The following UBAP2L variants were observed in gnomAD, a reference collection of about 807,000 sequenced individuals.
UBAP2L encodes ubiquitin associated protein 2 like, also known as ubiquitin-associated protein 2-like.
UBAP2L carries 12 observed loss-of-function variants against 130.6 expected under a neutral mutation model. That is an observed-to-expected ratio of 0.09 (90% confidence interval 0.06 to 0.15). The LOEUF is 0.15. UBAP2L is among the 10% of genes least tolerant of loss of function. UBAP2L has a pLI of 1.00. For synonymous variants in UBAP2L, 503 were observed against 524.7 expected (o/e 0.96, Z 0.57); for missense variants, 965 against 1,332.5 (o/e 0.72, Z 4.29).
intron 7 of UBAP2L, 120 bp from the exon 8 acceptor site, chr1:154,236,904 A>T: frequency 1.3e-6 from 1 of 774,202 alleles, no homozygotes; most frequent in Non-Finnish European, 2.1e-6. Flanking sequence ...ACACAGGATT[A>T]TAGAATGGGG....
At chr1:154,258,428 C>T (rs1412748695) in intron 20 of UBAP2L, among the ~76,000 whole-genome samples, 5 of 152,148 alleles carry the variant, frequency 3.3e-5, no homozygotes, top group Non-Finnish European at 4.4e-5. Flanking sequence ...TCTTCTGTGA[C>T]CTTCAAGTAT....
In UBAP2L at chr1:154,255,251, A is replaced by G. The variant is rs777192077; in HGVS notation, c.2009A>G (p.Asn670Ser). 4.3e-6 allele frequency: 7 copies of G among 1,614,084 alleles called. No homozygotes were observed. Among genetic ancestry groups the G allele is most frequent in the East Asian group, 2.2e-5 (1 of 44,896 alleles). The change falls in exon 17 of 27, where the codon AAT becomes AGT. Residue 670 changes from asparagine to serine, a missense_variant. By Grantham distance (46) the Asn-to-Ser change is conservative. Around this residue, in one of 9 missense-constraint regions of UBAP2L, gnomAD observed 393 missense variants for 408.1 expected, o/e 0.96. Transcript: ENST00000428931. Reference sequence around the variant, plus strand: ...GCAGCTTCCTTACTGACGACAACCAATCAGCATTCATCCTCCTTGGGTGGC... The same window carrying G: ...GCAGCTTCCTTACTGACGACAACCAGTCAGCATTCATCCTCCTTGGGTGGC... ...VSAASLLTTT[N>S]QHSSSLGGLS...
At chr1:154,265,700 G>T (rs549220119) in intron 24 of UBAP2L, among the ~76,000 whole-genome samples, 1 of 152,150 alleles carries the variant, frequency 6.6e-6, no homozygotes. Context: ...GTAGTGGTTA[G>T]TAGGGAGTTT....
At chr1:154,271,173 T>C (rs1209628417), downstream of UBAP2L, 3 of 465,532 alleles carry the variant, frequency 6.4e-6, no homozygotes, top group Non-Finnish European at 1.1e-5. Context: ...ATAGAGGAGA[T>C]TGGGTGGAAA....
chr1:154,222,303 A>G (rs921860286), intron 1 of UBAP2L, among the ~76,000 whole-genome samples: 1 of 152,188 alleles, frequency 6.6e-6, no homozygotes, highest in African/African-American at 2.4e-5. Flanking sequence ...AGTTGATAAA[A>G]CTGCTTTGAG....
intron 24 of UBAP2L, among the ~76,000 whole-genome samples, chr1:154,266,294 A>G (rs1002465830): frequency 2.0e-4 from 31 of 152,188 alleles, no homozygotes; most frequent in Admixed American, 2.0e-3. Flanking sequence ...ACGTATACTC[A>G]ACACGTACCT....
chr1:154,228,778 T>A, intron 4 of UBAP2L, 53 bp downstream of exon 4: 1 of 1,396,640 alleles, frequency 7.2e-7, no homozygotes, highest in Non-Finnish European at 9.9e-7. Flanking sequence ...GGGAGGCTAG[T>A]AATGTTCTAA....
At chr1:154,224,876 C>T (rs1319782007) in intron 1 of UBAP2L, among the ~76,000 whole-genome samples, 1 of 152,160 alleles carries the variant, frequency 6.6e-6, no homozygotes, top group African/African-American at 2.4e-5. Context: ...CTTACACATG[C>T]TTTATACATT....
downstream of UBAP2L, chr1:154,270,942 T>G (rs1425853952): frequency 5.2e-6 from 8 of 1,550,180 alleles, no homozygotes; most frequent in Admixed American, 2.0e-5. Context: ...CAACTGGGCC[T>G]CCTCTAGCAG....
chr1:154,236,107 C>T (rs1374357076), intron 6 of UBAP2L, among the ~76,000 whole-genome samples: 3 of 152,110 alleles, frequency 2.0e-5, no homozygotes, highest in Non-Finnish European at 4.4e-5. Context: ...TAATGATTGT[C>T]CTACTCTATT....
chr1:154,270,632 C>G lies in UBAP2L; in HGVS notation c.*337C>G. On this transcript the variant is annotated 3_prime_UTR_variant, in exon 27 of 27. Coordinates refer to ENST00000428931, the MANE Select transcript of UBAP2L (RefSeq NM_014847.4). ...TACGGATGAGGCGGGGAGGTGGGAC[C>G]CCCAAACATATATCAGCCCAACAGC... The G allele has an allele frequency of 7.1e-7, 1 of 1,409,888 alleles. No individual in the cohort carries two copies. Among genetic ancestry groups the G allele is most frequent in the Admixed American group, 3.1e-5 (1 of 32,780 alleles). The allele number at this position is 1,409,888 out of a possible 1,614,324, so 87.3% of individuals were successfully genotyped here. A position where few individuals can be genotyped will look rare whatever the true frequency, so the allele number is the denominator to read the frequency against.
chr1:154,268,857 C>T lies in UBAP2L; in HGVS notation c.3071C>T (p.Ala1024Val). Residue 1024 changes from alanine to valine, a missense_variant, in exon 26 of 27, where the codon GCT becomes GTT. This residue lies in a region of UBAP2L where 194 missense variants were observed against 334.0 expected (regional missense o/e 0.58). Transcript: ENST00000428931. ...GSGGPINPAT[A>V]AAYPPAPFMH... ...GGGGGCCCCATCAATCCGGCCACAG[C>T]TGCTGCCTACCCACCTGCCCCCTTT... 6.2e-7 allele frequency: 1 copy of T among 1,614,194 alleles called. No individual in the cohort carries two copies. Among genetic ancestry groups the T allele is most frequent in the Non-Finnish European group, 8.5e-7 (1 of 1,180,038 alleles).
chr1:154,249,580 T>A, intron 12 of UBAP2L, 143 bp downstream of exon 12: 1 of 917,558 alleles, frequency 1.1e-6, no homozygotes, highest in Non-Finnish European at 1.6e-6. Flanking sequence ...GTATTTCCCC[T>A]AATCAAATAA....
intron 9 of UBAP2L, chr1:154,241,820 G>A (rs1243990342): frequency 2.0e-6 from 2 of 976,504 alleles, no homozygotes; most frequent in East Asian, 1.1e-4. Flanking sequence ...TCTGATTGTC[G>A]GATTTATCCC....
intron 4 of UBAP2L, among the ~76,000 whole-genome samples, chr1:154,229,913 G>A (rs1444994245): frequency 6.6e-6 from 1 of 152,040 alleles, no homozygotes; most frequent in Non-Finnish European, 1.5e-5. Flanking sequence ...CTGGAGTGCA[G>A]TGGCGTGAAC....
At chr1:154,231,542 C>G (rs754668567) in intron 4 of UBAP2L, among the ~76,000 whole-genome samples, 11 of 152,210 alleles carry the variant, frequency 7.2e-5, no homozygotes, top group Admixed American at 1.3e-4. Flanking sequence ...CTCAAGTGAT[C>G]CACCCTCCTT....
chr1:154,224,504 A>G (rs1342540093), intron 1 of UBAP2L, among the ~76,000 whole-genome samples: 1 of 152,192 alleles, frequency 6.6e-6, no homozygotes, highest in Non-Finnish European at 1.5e-5. Context: ...ACAAACACAA[A>G]ACAAACCCAT....
chr1:154,270,969 G>T (rs1364886241), downstream of UBAP2L: 3 of 1,543,304 alleles, frequency 1.9e-6, no homozygotes, highest in African/African-American at 2.7e-5. Flanking sequence ...GAAGGCAGTG[G>T]AATAAAATGA....
chr1:154,227,047 T>C (rs181992746), intron 2 of UBAP2L, among the ~76,000 whole-genome samples: 31 of 152,346 alleles, frequency 2.0e-4, no homozygotes, highest in African/African-American at 7.2e-4. Context: ...GGTCTCAAAC[T>C]ACTCACATCA....
Sources: gnomAD v4.1 joint callset for allele counts (sites outside exome capture counted in the v4.1 genomes callset) on GRCh38, gnomAD v4.1.1 for gene constraint, gnomAD v4.1.1 regional missense constraint, MANE v1.5 for transcripts, NCBI Gene and HGNC (gene_info 2026-07-23, HGNC 2026-07-21) for gene names.